TANC2: variants seen among roughly 807,000 people sequenced by gnomAD.
The protein encoded by TANC2 is tetratricopeptide repeat, ankyrin repeat and coiled-coil containing 2.
Under a neutral mutation model 210.5 loss-of-function variants are expected in TANC2, and 26 were observed. The ratio of observed to expected loss-of-function variants is 0.12; its 90% CI spans 0.09 to 0.17. The LOEUF is 0.17. Among genes scored for constraint, TANC2 ranks in the 10% least tolerant of loss-of-function variants. The pLI, the probability that TANC2 is intolerant of heterozygous loss-of-function variation, is 1.00. For synonymous variants in TANC2, 931 were observed against 967.1 expected (o/e 0.96, Z 0.69); for missense variants, 2,129 against 2,608.9 (o/e 0.82, Z 4.01).
intron 1 of TANC2, among the ~76,000 whole-genome samples, chr17:63,003,830 GCTTT>G (rs1393486378): frequency 6.6e-6 from 1 of 151,810 alleles, no homozygotes; most frequent in Admixed American, 6.6e-5. Flanking sequence ...AGTGGCTGTT[GCTTT>G]CTATGTTCCT....
chr17:63,346,802 T>C (rs2046425861), intron 12 of TANC2, among the ~76,000 whole-genome samples: 1 of 151,980 alleles, frequency 6.6e-6, no homozygotes, highest in African/African-American at 2.4e-5. Context: ...CCCCCTCGGC[T>C]CAAGCAATCC....
At chr17:63,355,300 A>G (rs760467526) in exon 14 of TANC2, 15 of 1,612,994 alleles carry the variant, frequency 9.3e-6, no homozygotes, top group Non-Finnish European at 1.3e-5. Flanking sequence ...AAGCGCAGAG[A>G]CATGACTCGT....
rs1361810162 is a variant in TANC2, at chr17:63,366,665, A to G, written c.2582+11275A>G. Among the ~76,000 whole-genome samples, 8 of 152,344 alleles carry G rather than the reference A, an allele frequency of 5.3e-5. No homozygotes were observed. In the South Asian group the frequency reaches 1.4e-3, roughly 28 times the overall value. On this transcript the variant is annotated intron_variant, in intron 14 of 27. Transcript: ENST00000689528. ...AGCAGCAAATTCCTATTCAGATTCT[A>G]TATTTACAAGAAAATAATGCTTTTC...
At chr17:63,346,359 A>G (rs974415507) in intron 12 of TANC2, among the ~76,000 whole-genome samples, 4 of 152,332 alleles carry the variant, frequency 2.6e-5, no homozygotes, top group South Asian at 2.1e-4. Flanking sequence ...AATATTCACT[A>G]TGTTTCTGTG....
chr17:63,320,108 A>G (rs1482488811), intron 11 of TANC2, among the ~76,000 whole-genome samples: 11 of 152,198 alleles, frequency 7.2e-5, no homozygotes, highest in Admixed American at 2.6e-4. Flanking sequence ...CAGTATTAAT[A>G]CTGTGCAAAT....
chr17:63,090,113 G>C (rs6504149), intron 3 of TANC2, among the ~76,000 whole-genome samples: 91,026 of 151,772 alleles, frequency 0.6, 29,846 homozygotes, highest in African/African-American at 0.87. Context: ...CCCTAGCAAC[G>C]ACTTAAGTGT....
chr17:63,073,526 A>G (rs1156542664), intron 2 of TANC2, among the ~76,000 whole-genome samples: 1 of 152,128 alleles, frequency 6.6e-6, no homozygotes, highest in Non-Finnish European at 1.5e-5. Flanking sequence ...TGTAATTCTT[A>G]TTATAGTAAA....
intron 10 of TANC2, among the ~76,000 whole-genome samples, chr17:63,317,107 A>C (rs1008921898): frequency 2.6e-5 from 4 of 152,144 alleles, no homozygotes; most frequent in African/African-American, 9.7e-5. Flanking sequence ...TAATAAAAAA[A>C]CATGGGAAAT....
chr17:63,151,849 A>G (rs757071348), intron 5 of TANC2: 6 of 152,182 alleles, frequency 3.9e-5, no homozygotes, highest in Non-Finnish European at 7.3e-5. Context: ...TGCTGGAAAC[A>G]TTAAACTTGA....
In TANC2 at chr17:63,055,965, C is replaced by CAA. The variant is rs869063496; in HGVS notation, c.68-17953_68-17952dup. 3.4e-4 allele frequency among the ~76,000 whole-genome samples: 18 copies of CAA among 52,598 alleles called. 1 individual carries two copies. The highest frequency in any genetic ancestry group is 8.7e-4 in the African/African-American group (12 of 13,778). 34.5% of individuals were successfully genotyped at this position (52,598 alleles called of 152,430 possible). On this transcript the variant is annotated intron_variant, in intron 2 of 27. Coordinates refer to ENST00000689528, the Ensembl canonical transcript of TANC2. ...CAACGTAGTGAGACCTCATCTCTACCAAAAAAAAAAAAAAAAAAAAAAAAA... is the reference window on the plus strand; with the variant it reads ...CAACGTAGTGAGACCTCATCTCTACCAAAAAAAAAAAAAAAAAAAAAAAAAAA...
At chr17:63,405,065 T>C (rs2048458157) in intron 19 of TANC2, 57 bp from the exon 20 acceptor site, 4 of 1,473,284 alleles carry the variant, frequency 2.7e-6, no homozygotes, top group South Asian at 1.5e-5. Context: ...ACGTTTAACA[T>C]GGAGCGCTGG....
chr17:63,121,990 G>A (rs2038500858), intron 4 of TANC2, among the ~76,000 whole-genome samples: 1 of 151,556 alleles, frequency 6.6e-6, no homozygotes, highest in Non-Finnish European at 1.5e-5. Flanking sequence ...GGGGAAGAGG[G>A]GGAGGGGAGG....
At chr17:63,254,153 CTTTAATTTCTTACATTATTGTTT>C (rs1659156462) in intron 8 of TANC2, among the ~76,000 whole-genome samples, 1 of 152,078 alleles carries the variant, frequency 6.6e-6, no homozygotes, top group Non-Finnish European at 1.5e-5. Context: ...TTTGTGTCCT[CTTTAATTTCTTACATTATTGTTT>C]TTTAGTTGTA....
At chr17:63,261,944 A>G (rs540758670) in intron 8 of TANC2, among the ~76,000 whole-genome samples, 38 of 152,306 alleles carry the variant, frequency 2.5e-4, no homozygotes, top group African/African-American at 4.8e-4. Context: ...ATATAACACT[A>G]TCCATCTCTG....
chr17:63,275,912 A>G (rs1343116632), intron 9 of TANC2, among the ~76,000 whole-genome samples: 1 of 152,188 alleles, frequency 6.6e-6, no homozygotes, highest in Non-Finnish European at 1.5e-5. Context: ...CCTTGAGTGC[A>G]GTAAAGAAAA....
chr17:63,389,294 T>G lies in TANC2; in HGVS notation c.2815-14T>G. On this transcript the variant is annotated splice_polypyrimidine_tract_variant and intron_variant, in intron 16 of 27. Transcript: ENST00000689528. ...CTGTTTGTCTAATTATTAGTTCTGT[T>G]TGTTTATTTCTAGGTCAGCCGACTG... 1 of 1,597,900 alleles carries G rather than the reference T, an allele frequency of 6.3e-7. No individual in the cohort carries two copies. Among genetic ancestry groups the G allele is most frequent in the Non-Finnish European group, 8.6e-7 (1 of 1,167,412 alleles).
intron 14 of TANC2, among the ~76,000 whole-genome samples, chr17:63,357,788 C>A (rs185871622): frequency 6.6e-6 from 1 of 152,248 alleles, no homozygotes; most frequent in Admixed American, 6.5e-5. Flanking sequence ...CCATTTCAGG[C>A]AGGTCTGATT....
rs932984009 is a variant in TANC2 at position 63,210,564 on chromosome 17, CATA to C, written c.769+9611_769+9613del. Among the ~76,000 whole-genome samples the C allele has an allele frequency of 6.6e-5, 10 of 152,054 alleles. 1 individual carries two copies. Among genetic ancestry groups the C allele is most frequent in the African/African-American group, 1.9e-4 (8 of 41,412 alleles). ...CTTTTTATTTACTCTCGGGATTTAG[CATA>C]ATATCTAAATTGTGGTTTATGTAAG... On this transcript the variant is annotated intron_variant, in intron 7 of 27. Transcript: ENST00000689528.
Position 63,022,164 on chromosome 17 carries a change from C to A in TANC2, c.67+12538C>A, listed in dbSNP as rs777286267. 3.9e-4 allele frequency among the ~76,000 whole-genome samples: 60 copies of A among 151,938 alleles called. 1 individual carries two copies. Among genetic ancestry groups the A allele is most frequent in the Non-Finnish European group, 7.9e-4 (54 of 67,984 alleles). On this transcript the variant is annotated intron_variant, in intron 2 of 27. Transcript: ENST00000689528. Reference sequence around the variant, plus strand: ...GATCAGCCTGGGCAAGATGGTGAAACCCCATCTGTACTAAAAATACAAAAA... The same window carrying A: ...GATCAGCCTGGGCAAGATGGTGAAAACCCATCTGTACTAAAAATACAAAAA...
Sources: allele counts gnomAD v4.1 joint callset (sites outside exome capture counted in the v4.1 genomes callset), GRCh38; gene constraint gnomAD v4.1.1; transcripts MANE v1.5; gene names NCBI Gene and HGNC (gene_info 2026-07-23, HGNC 2026-07-21).